Variants in COL9A1 observed in about 807,000 individuals in gnomAD.
COL9A1 encodes the protein collagen type IX alpha 1 chain, also known as collagen alpha-1(IX) chain.
COL9A1 carries 104 observed loss-of-function variants against 142.6 expected under a neutral mutation model. That is an observed-to-expected ratio of 0.73 (90% CI 0.62 to 0.86). COL9A1 has a LOEUF of 0.86. COL9A1 is among the 40% of genes least tolerant of loss of function. COL9A1 has a pLI of 0.00. For synonymous variants in COL9A1, 466 were observed against 396.0 expected (o/e 1.18, Z -2.10); for missense variants, 1,210 against 1,176.6 (o/e 1.03, Z -0.42).
At chr6:70,283,691 G>A (rs1345670684) in intron 6 of COL9A1, 46 bp downstream of exon 6, 1 of 1,438,614 alleles carries the variant, frequency 7.0e-7, no homozygotes, top group Admixed American at 1.8e-5. Context: ...GGTGGAGAGG[G>A]TTGAGCTGGG....
intron 19 of COL9A1, among the ~76,000 whole-genome samples, chr6:70,262,553 C>T (rs1163813890): frequency 2.0e-5 from 3 of 152,150 alleles, no homozygotes; most frequent in Non-Finnish European, 2.9e-5. Flanking sequence ...GAGTCTATAA[C>T]CTGGCTAGCT....
At chr6:70,239,103 C>T in intron 33 of COL9A1, 151 bp downstream of exon 33, 1 of 572,938 alleles carries the variant, frequency 1.7e-6, no homozygotes, top group Non-Finnish European at 3.1e-6. Context: ...TGCACCACTG[C>T]ATTCACGCCT....
At chr6:70,255,421 G>A in intron 21 of COL9A1, 31 bp from the exon 22 acceptor site, 9 of 1,595,646 alleles carry the variant, frequency 5.6e-6, no homozygotes, top group Non-Finnish European at 7.7e-6. Context: ...GTTAATACAA[G>A]AAAAAGTTAC....
intron 37 of COL9A1, among the ~76,000 whole-genome samples, chr6:70,219,563 C>G (rs1043253979): frequency 6.6e-6 from 1 of 152,190 alleles, no homozygotes; most frequent in African/African-American, 2.4e-5. Context: ...ACTGTTTTTA[C>G]CAGATGAAAA....
At chr6:70,248,058 A>G (rs1419345704) in intron 28 of COL9A1, among the ~76,000 whole-genome samples, 2 of 152,236 alleles carry the variant, frequency 1.3e-5, no homozygotes, top group Admixed American at 6.5e-5. Flanking sequence ...AACTCATCCC[A>G]GTCAGTGCCA....
In COL9A1 at chr6:70,302,928, C is replaced by A. The variant is rs1031722961; in HGVS notation, c.-4G>T. The A allele has an allele frequency of 6.2e-7, 1 of 1,613,940 alleles. No homozygotes were observed. Among genetic ancestry groups the A allele is most frequent in the African/African-American group, 1.3e-5 (1 of 74,904 alleles). On this transcript the variant is annotated 5_prime_UTR_variant, in exon 1 of 38. Transcript: ENST00000357250. The stretch of plus-strand genomic sequence containing the variant: ...TGTCTTACCAGCAGGTCTTCATTTT[C>A]CCAGTTGATTTTCTTTGTTTGCCAA...
At chr6:70,293,744 T>G (rs1773742985) in intron 5 of COL9A1, among the ~76,000 whole-genome samples, 1 of 151,844 alleles carries the variant, frequency 6.6e-6, no homozygotes, top group African/African-American at 2.4e-5. Flanking sequence ...CTTATTAACT[T>G]TTTCCCTTAA....
At chr6:70,256,684 A>T in intron 21 of COL9A1, 84 bp downstream of exon 21, 1 of 1,094,648 alleles carries the variant, frequency 9.1e-7, no homozygotes, top group Non-Finnish European at 1.4e-6. Context: ...AATTATTCAC[A>T]CATAAACAAT....
intron 17 of COL9A1, among the ~76,000 whole-genome samples, chr6:70,268,255 C>T (rs1484310645): frequency 2.0e-5 from 3 of 151,846 alleles, no homozygotes; most frequent in African/African-American, 4.8e-5. Context: ...CCCTCCACCA[C>T]CCAGGCTGGA....
intron 5 of COL9A1, among the ~76,000 whole-genome samples, chr6:70,291,307 GA>G (rs1562329823): frequency 6.6e-6 from 1 of 152,134 alleles, no homozygotes; most frequent in African/African-American, 2.4e-5. Context: ...CCATCTGTCT[GA>G]AACATTGTAC....
rs200426063 is a variant in COL9A1 at position 70,240,607 on chromosome 6, CTG to C, written c.2079+80_2079+81del. 2,298 of 811,092 alleles carry C rather than the reference CTG, an allele frequency of 2.8e-3. 28 individuals are homozygous for C. The highest frequency in any genetic ancestry group is 0.023 in the African/African-American group (1,265 of 55,926). The allele number at this position is 811,092 out of a possible 1,614,324, so 50.2% of individuals were successfully genotyped here. A position where few individuals can be genotyped will look rare whatever the true frequency, so the allele number is the denominator to read the frequency against. On this transcript the variant is annotated intron_variant, in intron 32 of 37. Coordinates refer to ENST00000357250, the MANE Select transcript of COL9A1 (RefSeq NM_001851.6). ...TATATATATATATACCAATTTTGAA[CTG>C]TGTTAGAAGTATATATATATACTTC...
intron 15 of COL9A1, 104 bp downstream of exon 15, chr6:70,270,210 T>C: frequency 8.6e-7 from 1 of 1,167,536 alleles, no homozygotes; most frequent in South Asian, 1.2e-5. Flanking sequence ...TTTGGAAATT[T>C]GGGACAATGA....
Position 70,256,814 on chromosome 6 carries a change from C to T in COL9A1, c.1457G>A (p.Arg486Gln), listed in dbSNP as rs767544695. Residue 486 changes from arginine to glutamine, a missense_variant, in exon 21 of 38, where the codon CGG (arginine) becomes CAG (glutamine). Transcript: ENST00000357250. The stretch of plus-strand genomic sequence containing the variant: ...AGGCCCAGGTTCACCATCTAAGCCC[C>T]GAGCACCCTGCAAAAAAACAAGACA... Reference protein sequence around the residue: ...IVGDKGEKGARGLDGEPGPQG... With the variant: ...IVGDKGEKGAQGLDGEPGPQG... The T allele has an allele frequency of 2.1e-5, 34 of 1,613,518 alleles. 1 individual carries two copies. The highest frequency in any genetic ancestry group is 2.1e-4 in the South Asian group (19 of 91,020).
Position 70,294,178 on chromosome 6 carries a change from C to G in COL9A1, c.685G>C (p.Val229Leu). Reference sequence around the variant, plus strand: ...GGTTTTATACTTACTGGAACAGAAACTTGAGGATTATCTGCAAGTTTTCCC... The same window carrying G: ...GGTTTTATACTTACTGGAACAGAAAGTTGAGGATTATCTGCAAGTTTTCCC... ...VLGKLADNPQ[V>L]SVPFELQWML... Residue 229 changes from valine (V) to leucine (L), a missense_variant, in exon 5 of 38, where the codon GTT becomes CTT. Val to Leu is a conservative substitution (Grantham distance 32). Coordinates refer to ENST00000357250, the MANE Select transcript of COL9A1 (RefSeq NM_001851.6). The G allele has an allele frequency of 1.9e-6, 3 of 1,614,020 alleles. No individual in the cohort carries two copies. The South Asian group carries it at 3.3e-5, about 18-fold the overall frequency.
At chr6:70,216,026 AC>A (rs1285570845), downstream of COL9A1, 2 of 152,456 alleles carry the variant, frequency 1.3e-5, no homozygotes, top group Non-Finnish European at 2.9e-5. Context: ...ATAAACATAC[AC>A]CTATAGAACC....
intron 20 of COL9A1, among the ~76,000 whole-genome samples, chr6:70,257,217 T>C (rs1020051420): frequency 1.3e-5 from 2 of 152,044 alleles, no homozygotes; most frequent in African/African-American, 4.8e-5. Context: ...CACGCCGTCA[T>C]GCCCAGCTAA....
chr6:70,277,591 T>C (rs558969319), intron 10 of COL9A1, among the ~76,000 whole-genome samples: 1 of 152,254 alleles, frequency 6.6e-6, no homozygotes, highest in African/African-American at 2.4e-5. Context: ...TTCATGTTAC[T>C]GTTTGGCAGA....
intron 35 of COL9A1, among the ~76,000 whole-genome samples, chr6:70,233,918 A>C (rs1248039936): frequency 1.3e-5 from 2 of 152,266 alleles, no homozygotes; most frequent in Non-Finnish European, 2.9e-5. Flanking sequence ...GTGCTTTTGC[A>C]CATCTTCATT....
At chr6:70,239,221 T>A (rs776327245) in intron 33 of COL9A1, 33 bp downstream of exon 33, 2 of 1,389,548 alleles carry the variant, frequency 1.4e-6, no homozygotes, top group Non-Finnish European at 2.0e-6. Flanking sequence ...ATGTTTTTAA[T>A]TTTTTTATAC....
Sources: gnomAD v4.1 joint callset for allele counts (sites outside exome capture counted in the v4.1 genomes callset) on GRCh38, gnomAD v4.1.1 for gene constraint, MANE v1.5 for transcripts, NCBI Gene and HGNC (gene_info 2026-07-23, HGNC 2026-07-21) for gene names.